Variants in CFAP20DC observed in about 807,000 individuals in gnomAD.
The protein encoded by CFAP20DC is CFAP20 domain containing.
In CFAP20DC, 84 loss-of-function variants were observed where a neutral mutation model predicts 101.7. The observed-to-expected ratio is 0.83, with a 90% confidence interval of 0.69 to 0.99. The LOEUF (loss-of-function observed/expected upper bound fraction) is 0.99. CFAP20DC is among the 50% of genes least tolerant of loss of function. The probability of loss-of-function intolerance (pLI) is 0.00; values close to 1 mark genes in which losing one functional copy is unlikely to be tolerated. For missense variants in CFAP20DC, 1,007 were observed against 970.3 expected (o/e 1.04, Z -0.50); for synonymous variants, 359 against 351.2 (o/e 1.02, Z -0.25).
At chr3:58,755,083 T>G (rs2068841727) in intron 15 of CFAP20DC, among the ~76,000 whole-genome samples, 1 of 152,188 alleles carries the variant, frequency 6.6e-6, no homozygotes, top group South Asian at 2.1e-4. Flanking sequence ...ATTAACAGTC[T>G]ATACAACAGA....
chr3:58,827,619 A>G (rs1173231471), intron 14 of CFAP20DC, among the ~76,000 whole-genome samples: 1 of 152,146 alleles, frequency 6.6e-6, no homozygotes, highest in Non-Finnish European at 1.5e-5. Context: ...ACTTGAACTC[A>G]TTCTTGAACT....
Position 58,868,033 on chromosome 3 carries a change from C to A in CFAP20DC, c.1016-97G>T. The A allele has an allele frequency of 7.6e-7, 1 of 1,312,886 alleles. No homozygotes were observed. The highest frequency in any genetic ancestry group is 1.7e-5 in the South Asian group (1 of 59,150). The allele number at this position is 1,312,886 out of a possible 1,614,324, so 81.3% of individuals were successfully genotyped here. On this transcript the variant is annotated intron_variant, in intron 9 of 16. Transcript: ENST00000482387. This position sits in a 1 kb window ranked among gnomAD's most constrained non-coding sequence, Gnocchi z 4.6. The stretch of plus-strand genomic sequence containing the variant: ...TAATTATCACTATAATGAGAATATT[C>A]ATGTATAATTTTGACATAATGTGAA...
Position 58,869,553 on chromosome 3 carries a change from T to C in CFAP20DC, c.853-63A>G. On this transcript the variant is annotated intron_variant, in intron 8 of 16. Coordinates refer to ENST00000482387, the MANE Select transcript of CFAP20DC (RefSeq NM_001394063.1). The surrounding 1 kb of genome is among the most constrained non-coding windows in gnomAD (Gnocchi z 4.3). Reference sequence around the variant, plus strand: ...AACTACATTTGTTTTCTGTAGAAGCTATATAGAAAACATAATATTTGGACC... The same window carrying C: ...AACTACATTTGTTTTCTGTAGAAGCCATATAGAAAACATAATATTTGGACC... 2 of 1,290,608 alleles carry C rather than the reference T, an allele frequency of 1.5e-6. No homozygotes were observed. Among genetic ancestry groups the C allele is most frequent in the Non-Finnish European group, 2.1e-6 (2 of 957,018 alleles). The allele number at this position is 1,290,608 out of a possible 1,614,324, so 79.9% of individuals were successfully genotyped here.
chr3:58,963,986 G>A (rs1343348625), intron 4 of CFAP20DC, among the ~76,000 whole-genome samples: 2 of 152,162 alleles, frequency 1.3e-5, no homozygotes, highest in East Asian at 3.9e-4. Context: ...TTATAGACAG[G>A]ACCTAAGGCC....
downstream of CFAP20DC, among the ~76,000 whole-genome samples, chr3:58,737,462 C>G (rs1482827893): frequency 6.6e-6 from 1 of 152,140 alleles, no homozygotes; most frequent in Non-Finnish European, 1.5e-5. The surrounding 1 kb of genome is among the most constrained non-coding windows in gnomAD (Gnocchi z 4.1). Flanking sequence ...AGCAGCATTT[C>G]TCAAAGGATG....
rs1441203191 is a variant in CFAP20DC, at chr3:58,799,497, T to G, written c.2237+6898A>C. Among the ~76,000 whole-genome samples the G allele has an allele frequency of 6.6e-6, 1 of 152,166 alleles. No homozygotes were observed. Among genetic ancestry groups the G allele is most frequent in the African/African-American group, 2.4e-5 (1 of 41,434 alleles). On this transcript the variant is annotated intron_variant, in intron 15 of 16. Transcript: ENST00000482387. The surrounding 1 kb of genome is among the most constrained non-coding windows in gnomAD (Gnocchi z 4.9). Reference sequence around the variant, plus strand: ...CCAGCTAGTGGAATACACAGTGACGTAGCTAGTGTAGAGAGATGAGGGAAG... The same window carrying G: ...CCAGCTAGTGGAATACACAGTGACGGAGCTAGTGTAGAGAGATGAGGGAAG...
At chr3:58,803,337 A>G (rs1048555378) in intron 15 of CFAP20DC, among the ~76,000 whole-genome samples, 3 of 152,208 alleles carry the variant, frequency 2.0e-5, no homozygotes, top group African/African-American at 7.2e-5. Context: ...AGAATTTTCA[A>G]TCACGGGTTC....
chr3:58,931,726 A>G (rs2086725967), intron 5 of CFAP20DC, among the ~76,000 whole-genome samples: 1 of 152,220 alleles, frequency 6.6e-6, no homozygotes, highest in Non-Finnish European at 1.5e-5. Flanking sequence ...GTCTGTTAGA[A>G]GGAAAACTAA....
intron 15 of CFAP20DC, chr3:58,794,147 GC>G: frequency 1.2e-5 from 4 of 322,484 alleles, no homozygotes; most frequent in South Asian, 1.0e-4. Flanking sequence ...ACTGTTGTTA[GC>G]CTCAAAAGTC....
chr3:59,016,561 A>C (rs2093694209), intron 4 of CFAP20DC, among the ~76,000 whole-genome samples: 1 of 152,164 alleles, frequency 6.6e-6, no homozygotes, highest in Non-Finnish European at 1.5e-5. Context: ...AGAAATAATA[A>C]ATGAGGTGAT....
At chr3:58,981,737 C>T (rs1400933648) in intron 4 of CFAP20DC, among the ~76,000 whole-genome samples, 1 of 152,118 alleles carries the variant, frequency 6.6e-6, no homozygotes, top group South Asian at 2.1e-4. Flanking sequence ...CATGTTAGAC[C>T]TAAAACCATA....
chr3:58,915,963 G>T (rs1241830562), intron 5 of CFAP20DC, among the ~76,000 whole-genome samples: 1 of 151,850 alleles, frequency 6.6e-6, no homozygotes, highest in East Asian at 1.9e-4. Context: ...ATCCTCCCTG[G>T]ATAATTATTT....
At chr3:58,945,108 T>C (rs952789204) in intron 4 of CFAP20DC, among the ~76,000 whole-genome samples, 1 of 152,190 alleles carries the variant, frequency 6.6e-6, no homozygotes, top group Non-Finnish European at 1.5e-5. Flanking sequence ...ATATCTACTA[T>C]TATTATTATC....
chr3:58,804,329 C>T (rs1329209716), intron 15 of CFAP20DC, among the ~76,000 whole-genome samples: 7 of 151,582 alleles, frequency 4.6e-5, no homozygotes, highest in Non-Finnish European at 2.9e-5. Flanking sequence ...ACATATCTTA[C>T]TATCACTCTC....
chr3:58,764,329 C>G (rs188605725), intron 15 of CFAP20DC, among the ~76,000 whole-genome samples: 1 of 152,178 alleles, frequency 6.6e-6, no homozygotes, highest in East Asian at 1.9e-4. Flanking sequence ...GTAGGATCCT[C>G]CGAGCCAGGC....
At position 58,794,910 on chromosome 3, in the gene CFAP20DC, G is replaced by A. The variant is rs144888802; in HGVS notation, c.2237+11485C>T. On this transcript the variant is annotated intron_variant, in intron 15 of 16. Transcript: ENST00000482387. ...CTGTGAATCATTTTATGCTGTAGGG[G>A]TTCCCTGTTTAAATGACAGGGAAGC... Among the ~76,000 whole-genome samples, 96 of 152,282 alleles carry A rather than the reference G, an allele frequency of 6.3e-4. 1 individual carries two copies. The East Asian group carries it at 0.018, about 29-fold the overall frequency.
rs1168336920 is a variant in CFAP20DC at position 58,936,075 on chromosome 3, A to C, written c.393+1573T>G. Among the ~76,000 whole-genome samples, 8 of 152,102 alleles carry C rather than the reference A, an allele frequency of 5.3e-5. No homozygotes were observed. In the East Asian group the frequency reaches 5.8e-4, roughly 11 times the overall value. On this transcript the variant is annotated intron_variant, in intron 5 of 16. Coordinates refer to ENST00000482387, the MANE Select transcript of CFAP20DC (RefSeq NM_001394063.1). ...CTACAATGAACTCAAACAAATTTAC[A>C]AGAAAAAAACAAACAACCCCATCAA...
At chr3:58,936,428 A>AT (rs1349603234) in intron 5 of CFAP20DC, among the ~76,000 whole-genome samples, 1 of 152,232 alleles carries the variant, frequency 6.6e-6, no homozygotes, top group Non-Finnish European at 1.5e-5. Context: ...TACTGGGTAT[A>AT]TACCCAAAGG....
chr3:58,972,115 TA>T (rs930751199), intron 4 of CFAP20DC, among the ~76,000 whole-genome samples: 1 of 151,982 alleles, frequency 6.6e-6, no homozygotes, highest in Non-Finnish European at 1.5e-5. Context: ...ATAAAGAATA[TA>T]AAAAAAGTTC....
Sources: gnomAD v4.1 joint callset for allele counts (sites outside exome capture counted in the v4.1 genomes callset) on GRCh38, gnomAD v4.1.1 for gene constraint, Gnocchi (gnomAD v3.1) non-coding constraint, MANE v1.5 for transcripts, NCBI Gene and HGNC (gene_info 2026-07-23, HGNC 2026-07-21) for gene names.